LRRTM4: variants seen among roughly 807,000 people sequenced by gnomAD.
LRRTM4 encodes the protein leucine-rich repeat transmembrane neuronal protein 4.
In LRRTM4, 25 loss-of-function variants were observed where a neutral mutation model predicts 47.6. The ratio of observed to expected loss-of-function variants is 0.53; its 90% CI spans 0.38 to 0.73. The LOEUF is 0.73. Ranked by LOEUF, LRRTM4 falls within the 30% of genes least tolerant of loss-of-function variation. LRRTM4 has a pLI of 0.00. For missense variants in LRRTM4, 638 were observed against 713.4 expected, an observed-to-expected ratio of 0.89 and a Z score of 1.20; for synonymous variants, 311 against 269.5, an observed-to-expected ratio of 1.15 and a Z score of -1.51.
rs112171784 is a variant in LRRTM4, at chr2:77,375,386, T to C, written c.1551+142932A>G. The stretch of plus-strand genomic sequence containing the variant: ...TACCACAATGAAGATAATAAACATA[T>C]CCATCACCTCCAAAAGTTTCCTTGC... On this transcript the variant is annotated intron_variant, in intron 3 of 3. Coordinates refer to ENST00000409884, the MANE Select transcript of LRRTM4 (RefSeq NM_001134745.3). 6.5e-3 allele frequency among the ~76,000 whole-genome samples: 982 copies of C among 151,868 alleles called. 2 individuals are homozygous for C. The highest frequency in any genetic ancestry group is 0.011 in the South Asian group (52 of 4,828).
intron 3 of LRRTM4, among the ~76,000 whole-genome samples, chr2:76,891,132 A>G (rs1163718145): frequency 1.3e-5 from 2 of 151,964 alleles, no homozygotes; most frequent in Non-Finnish European, 2.9e-5. Flanking sequence ...GAATCTACAG[A>G]AAGTAAAGAG....
intron 3 of LRRTM4, among the ~76,000 whole-genome samples, chr2:77,424,443 G>C (rs1675028987): frequency 6.6e-6 from 1 of 151,532 alleles, no homozygotes; most frequent in Admixed American, 6.6e-5. Context: ...GAACTGATGA[G>C]CTCAGAAAAT....
At chr2:77,217,995 A>T (rs1220701982) in intron 3 of LRRTM4, among the ~76,000 whole-genome samples, 8 of 151,566 alleles carry the variant, frequency 5.3e-5, no homozygotes, top group East Asian at 1.9e-4. Flanking sequence ...TTTTTATTTT[A>T]TTTTTTTTGA....
At chr2:76,785,123 G>A (rs1674604105) in intron 3 of LRRTM4, among the ~76,000 whole-genome samples, 1 of 152,062 alleles carries the variant, frequency 6.6e-6, no homozygotes, top group Non-Finnish European at 1.5e-5. Flanking sequence ...CACCGATCTT[G>A]AAGAAGGAAG....
rs191613086 is a variant in LRRTM4, at chr2:76,845,754, T to C, written c.1552-96838A>G. ...TGTGTCTCCAGTGTGACAGTGTTCT[T>C]CATATGAATGCTGCAGAAATGAGTA... On this transcript the variant is annotated intron_variant, in intron 3 of 3. Coordinates refer to ENST00000409884, the MANE Select transcript of LRRTM4 (RefSeq NM_001134745.3). Among the ~76,000 whole-genome samples, 14 of 152,306 alleles carry C rather than the reference T, an allele frequency of 9.2e-5. 1 individual carries two copies. In the East Asian group the frequency reaches 2.3e-3, roughly 25 times the overall value.
At chr2:77,428,855 A>T (rs1320307349) in intron 3 of LRRTM4, among the ~76,000 whole-genome samples, 1 of 152,232 alleles carries the variant, frequency 6.6e-6, no homozygotes, top group Non-Finnish European at 1.5e-5. Context: ...GTCTGAATTC[A>T]TCGGTATGTC....
chr2:77,071,902 A>G (rs1680166649), intron 3 of LRRTM4, among the ~76,000 whole-genome samples: 1 of 152,128 alleles, frequency 6.6e-6, no homozygotes, highest in South Asian at 2.1e-4. Flanking sequence ...TACCACCTCC[A>G]CTACAGCTCA....
At chr2:77,515,166 C>A (rs990309594) in intron 3 of LRRTM4, among the ~76,000 whole-genome samples, 1 of 151,718 alleles carries the variant, frequency 6.6e-6, no homozygotes, top group Non-Finnish European at 1.5e-5. Flanking sequence ...TGCTATAATT[C>A]ATATTAATTA....
At chr2:76,818,994 C>T (rs935139438) in intron 3 of LRRTM4, among the ~76,000 whole-genome samples, 3 of 151,358 alleles carry the variant, frequency 2.0e-5, no homozygotes, top group Non-Finnish European at 3.0e-5. Flanking sequence ...AAATAATTGT[C>T]GACATGGTAT....
Position 77,306,896 on chromosome 2 carries a change from TA to T in LRRTM4, c.1551+211421del, listed in dbSNP as rs1389119252. Among the ~76,000 whole-genome samples, 60 of 133,876 alleles carry T rather than the reference TA, an allele frequency of 4.5e-4. 1 individual carries two copies. The highest frequency in any genetic ancestry group is 1.9e-3 in the African/African-American group (56 of 30,234). 87.8% of individuals were successfully genotyped at this position (133,876 alleles called of 152,430 possible). On this transcript the variant is annotated intron_variant, in intron 3 of 3. Coordinates refer to ENST00000409884, the MANE Select transcript of LRRTM4 (RefSeq NM_001134745.3). The stretch of plus-strand genomic sequence containing the variant: ...AAAATAGCTATATACTGCTTTTCCA[TA>T]TTTTTTTTTTTTTTTTTTTTGAGAT...
At chr2:77,133,007 A>G (rs1029755835) in intron 3 of LRRTM4, among the ~76,000 whole-genome samples, 1 of 152,196 alleles carries the variant, frequency 6.6e-6, no homozygotes, top group African/African-American at 2.4e-5. Flanking sequence ...ATAGATATTA[A>G]TATCTGCCCA....
intron 3 of LRRTM4, among the ~76,000 whole-genome samples, chr2:76,976,247 A>G (rs918627666): frequency 7.9e-5 from 12 of 151,790 alleles, no homozygotes. Context: ...ATAACACAAT[A>G]TATTTTTATA....
chr2:77,428,130 T>A (rs1479041579), intron 3 of LRRTM4, among the ~76,000 whole-genome samples: 1 of 152,208 alleles, frequency 6.6e-6, no homozygotes, highest in Non-Finnish European at 1.5e-5. Context: ...AAGAAGGATG[T>A]GTTTCCTTTC....
chr2:77,111,509 A>G (rs1315446129), intron 3 of LRRTM4, among the ~76,000 whole-genome samples: 1 of 152,040 alleles, frequency 6.6e-6, no homozygotes, highest in Non-Finnish European at 1.5e-5. Context: ...TAAATAAAAG[A>G]TTCCAGAAAT....
At chr2:76,850,359 A>G (rs1671957231) in intron 3 of LRRTM4, among the ~76,000 whole-genome samples, 1 of 152,206 alleles carries the variant, frequency 6.6e-6, no homozygotes, top group Non-Finnish European at 1.5e-5. Context: ...TGGAAGACAT[A>G]TCAGAACCTG....
intron 3 of LRRTM4, among the ~76,000 whole-genome samples, chr2:77,457,004 G>GTATA (rs1171771344): frequency 0.018 from 419 of 22,738 alleles, 5 homozygotes; most frequent in Admixed American, 0.026. Context: ...GTGTGTGTGT[G>GTATA]TATATATATA....
intron 3 of LRRTM4, among the ~76,000 whole-genome samples, chr2:76,954,838 A>G (rs1246348919): frequency 6.6e-6 from 1 of 151,904 alleles, no homozygotes; most frequent in Non-Finnish European, 1.5e-5. Flanking sequence ...ATACATATTC[A>G]TAAGACTATC....
intron 3 of LRRTM4, among the ~76,000 whole-genome samples, chr2:77,112,673 C>T (rs1671281981): frequency 6.6e-6 from 1 of 150,462 alleles, no homozygotes; most frequent in Admixed American, 6.6e-5. Flanking sequence ...AGAGATAAAG[C>T]ATACATAAAT....
chr2:77,225,328 C>T (rs1022381406), intron 3 of LRRTM4, among the ~76,000 whole-genome samples: 8 of 150,190 alleles, frequency 5.3e-5, no homozygotes, highest in African/African-American at 1.5e-4. Flanking sequence ...CAAACCTGCA[C>T]GTTGTGCACA....
Sources: gnomAD v4.1 joint callset for allele counts (sites outside exome capture counted in the v4.1 genomes callset) on GRCh38, gnomAD v4.1.1 for gene constraint, MANE v1.5 for transcripts, NCBI Gene and HGNC (gene_info 2026-07-23, HGNC 2026-07-21) for gene names.